The following THRAP3 variants were observed in gnomAD, a reference collection of about 807,000 sequenced individuals.
The protein encoded by THRAP3 is thyroid hormone receptor-associated protein 3.
In THRAP3, 16 loss-of-function variants were observed where a neutral mutation model predicts 101.0. The observed-to-expected ratio is 0.16, with a 90% CI of 0.11 to 0.24. The LOEUF (loss-of-function observed/expected upper bound fraction) is 0.24, where lower values mean the gene tolerates loss of function less well. THRAP3 is among the 10% of genes least tolerant of loss of function. THRAP3 has a pLI of 1.00. For missense variants in THRAP3, 989 were observed against 1,202.7 expected (o/e 0.82, Z 2.63); for synonymous variants, 407 against 422.6 (o/e 0.96, Z 0.45).
Position 36,286,420 on chromosome 1 carries a change from C to T in THRAP3, c.190C>T (p.His64Tyr). ...YSPAHNRERN[H>Y]PRVYQNRDFR... ...TCCAGCTCATAACAGAGAAAGAAAC[C>T]ACCCAAGAGTATATCAGAATCGGGA... Residue 64 changes from histidine (H) to tyrosine (Y), a missense_variant, in exon 4 of 12, where the codon CAC (histidine) becomes TAC (tyrosine). By Grantham distance (83) the His-to-Tyr change is moderately conservative (BLOSUM62 2). Coordinates refer to ENST00000354618, the MANE Select transcript of THRAP3 (RefSeq NM_005119.4). The surrounding 1 kb of genome is among the most constrained non-coding windows in gnomAD (Gnocchi z 5.5). 6.2e-7 allele frequency: 1 copy of T among 1,612,316 alleles called. No individual in the cohort carries two copies. The highest frequency in any genetic ancestry group is 1.1e-5 in the South Asian group (1 of 90,724).
intron 1 of THRAP3, among the ~76,000 whole-genome samples, chr1:36,248,951 G>GT (rs1189875432): frequency 6.0e-4 from 90 of 149,550 alleles, no homozygotes; most frequent in African/African-American, 2.1e-3. Context: ...CCAGGCTGGA[G>GT]TGCAGTGGCG....
chr1:36,274,108 A>G (rs1377435760), intron 2 of THRAP3, among the ~76,000 whole-genome samples: 1 of 149,062 alleles, frequency 6.7e-6, no homozygotes, highest in Non-Finnish European at 1.5e-5. Context: ...ACACACACAC[A>G]GACAAAATGA....
chr1:36,263,745 TTAA>T (rs1302480920), intron 2 of THRAP3, among the ~76,000 whole-genome samples: 1 of 152,206 alleles, frequency 6.6e-6, no homozygotes, highest in African/African-American at 2.4e-5. Flanking sequence ...GATCCTGAGC[TTAA>T]TAGACACGCA....
At chr1:36,292,268 T>TTTTTG (rs1645884121) in intron 6 of THRAP3, among the ~76,000 whole-genome samples, 1 of 93,304 alleles carries the variant, frequency 1.1e-5, no homozygotes, top group Non-Finnish European at 2.2e-5. Flanking sequence ...TTGTTTCTTT[T>TTTTTG]TTTTTTTTTT....
intron 6 of THRAP3, among the ~76,000 whole-genome samples, chr1:36,292,322 A>AGT (rs1645886220): frequency 8.9e-6 from 1 of 112,696 alleles, no homozygotes; most frequent in Admixed American, 1.4e-4. Context: ...CCCAGGCTGG[A>AGT]GTGCAGTGGC....
chr1:36,292,716 A>G lies in THRAP3; in HGVS notation c.2030+7A>G, dbSNP rs1390722396. ...AAAGCCCAGAGATACACAGGTAAGG[A>G]CCATGGCCTTATACTGGAGGTTGTA... On this transcript the variant is annotated splice_region_variant and intron_variant, in intron 7 of 11. Transcript: ENST00000354618. The G allele has an allele frequency of 4.4e-6, 7 of 1,595,368 alleles. No homozygotes were observed. In the Admixed American group the frequency reaches 5.1e-5, roughly 12 times the overall value.
At chr1:36,221,767 G>A (rs1644903936), upstream of THRAP3, among the ~76,000 whole-genome samples, 1 of 150,008 alleles carries the variant, frequency 6.7e-6, no homozygotes. Flanking sequence ...TGTATTTTTA[G>A]TAGCGACGGA....
chr1:36,259,537 ATC>A (rs980040760), intron 2 of THRAP3, 53 bp downstream of exon 2: 2 of 397,952 alleles, frequency 5.0e-6, no homozygotes, highest in Admixed American at 4.4e-5. Context: ...TGTAAAACCA[ATC>A]TTACGTTAAG....
intron 2 of THRAP3, among the ~76,000 whole-genome samples, chr1:36,262,032 AAAG>A (rs1213818230): frequency 6.6e-6 from 1 of 152,206 alleles, no homozygotes. Flanking sequence ...GTGCTGCTCA[AAAG>A]AAGAATGTGA....
At chr1:36,251,910 G>A (rs1382117235) in intron 1 of THRAP3, among the ~76,000 whole-genome samples, 1 of 152,176 alleles carries the variant, frequency 6.6e-6, no homozygotes, top group Non-Finnish European at 1.5e-5. Flanking sequence ...AGTAGTTGGT[G>A]GAGTTGGGAA....
At chr1:36,214,006 GAAA>G in the THRAP3 span, among the ~76,000 whole-genome samples, 857 of 34,806 alleles carry the variant, frequency 0.025, 4 homozygotes, top group Non-Finnish European at 0.034. Context: ...AGGAAAGAAA[GAAA>G]GAAAGAAAGA....
At position 36,287,044 on chromosome 1, in the gene THRAP3, A is replaced by G; in HGVS notation, c.814A>G (p.Lys272Glu). Residue 272 changes from lysine (K) to glutamate (E), a missense_variant, in exon 4 of 12, where the codon AAA (lysine) becomes GAA (glutamate). Lys to Glu is a moderately conservative substitution (Grantham distance 56, BLOSUM62 1). Coordinates refer to ENST00000354618, the MANE Select transcript of THRAP3 (RefSeq NM_005119.4). ...RRSPRPSPVP[K>E]PSPPLSSTSQ... ...GTCACCCCGTCCTAGCCCCGTGCCA[A>G]AACCTAGTCCTCCACTTTCCAGCAC... 1 of 1,613,702 alleles carries G rather than the reference A, an allele frequency of 6.2e-7. No individual in the cohort carries two copies. Among genetic ancestry groups the G allele is most frequent in the Non-Finnish European group, 8.5e-7 (1 of 1,179,708 alleles).
At chr1:36,248,549 G>A (rs890699445) in intron 1 of THRAP3, among the ~76,000 whole-genome samples, 6 of 150,480 alleles carry the variant, frequency 4.0e-5, no homozygotes, top group African/African-American at 1.5e-4. Context: ...CTGGGCCCAA[G>A]CGATTCTCAG....
chr1:36,209,041 A>G, the THRAP3 span, among the ~76,000 whole-genome samples: 1 of 133,424 alleles, frequency 7.5e-6, no homozygotes, highest in African/African-American at 2.9e-5. Flanking sequence ...CAGTGATGGA[A>G]TCGTGGCTCA....
At chr1:36,249,518 C>A (rs528817244) in intron 1 of THRAP3, among the ~76,000 whole-genome samples, 26 of 152,216 alleles carry the variant, frequency 1.7e-4, no homozygotes, top group Admixed American at 9.2e-4. Context: ...AAGGGACCTT[C>A]ATGTTTAGTG....
At chr1:36,240,891 T>C (rs1645146659) in intron 1 of THRAP3, among the ~76,000 whole-genome samples, 1 of 152,142 alleles carries the variant, frequency 6.6e-6, no homozygotes, top group Non-Finnish European at 1.5e-5. Flanking sequence ...AGTGTGCCAT[T>C]TCTGTTTTTT....
At chr1:36,270,280 C>T (rs147117860) in intron 2 of THRAP3, among the ~76,000 whole-genome samples, 1 of 152,168 alleles carries the variant, frequency 6.6e-6, no homozygotes, top group African/African-American at 2.4e-5. Context: ...GTCCCAGCTA[C>T]TCAGGAGGCT....
At chr1:36,253,781 G>GTTTTTTTTTTTTTTTTTTTTTTTT (rs1353553825) in intron 1 of THRAP3, among the ~76,000 whole-genome samples, 89 of 35,038 alleles carry the variant, frequency 2.5e-3, no homozygotes, top group East Asian at 6.9e-3. Flanking sequence ...TTTTTTTTTA[G>GTTTTTTTTTTTTTTTTTTTTTTTT]TTTTTGTAGA....
chr1:36,248,436 A>G (rs2124440709), intron 1 of THRAP3, among the ~76,000 whole-genome samples: 1 of 134,930 alleles, frequency 7.4e-6, no homozygotes, highest in Middle Eastern at 3.9e-3. Flanking sequence ...CATTGCACCC[A>G]GCCTCAGCCT....
Sources: gnomAD v4.1 joint callset for allele counts (sites outside exome capture counted in the v4.1 genomes callset) on GRCh38, gnomAD v4.1.1 for gene constraint, Gnocchi (gnomAD v3.1) non-coding constraint, MANE v1.5 for transcripts, NCBI Gene and HGNC (gene_info 2026-07-23, HGNC 2026-07-21) for gene names.